The following FGF12 variants were observed in gnomAD, a reference collection of about 807,000 sequenced individuals.
FGF12 encodes the protein fibroblast growth factor 12B.
Under a neutral mutation model 23.6 loss-of-function variants are expected in FGF12, and 14 were observed. The observed-to-expected ratio is 0.59, with a 90% confidence interval of 0.39 to 0.93. The LOEUF (loss-of-function observed/expected upper bound fraction) is 0.93, where lower values mean the gene tolerates loss of function less well. FGF12 is among the 40% of genes least tolerant of loss of function. The pLI is 0.00. For synonymous variants in FGF12, 62 were observed against 77.3 expected, an observed-to-expected ratio of 0.80 and a Z score of 1.04; for missense variants, 175 against 217.8, an observed-to-expected ratio of 0.80 and a Z score of 1.24.
intron 4 of FGF12, among the ~76,000 whole-genome samples, chr3:192,333,669 C>T (rs76647368): frequency 6.6e-6 from 1 of 151,930 alleles, no homozygotes; most frequent in Non-Finnish European, 1.5e-5. Flanking sequence ...ATACAAATGA[C>T]AGATGTATTA....
chr3:192,419,882 G>T (rs982033689), intron 2 of FGF12, among the ~76,000 whole-genome samples: 2 of 152,168 alleles, frequency 1.3e-5, no homozygotes, highest in South Asian at 2.1e-4. Flanking sequence ...TGTAAAGGCT[G>T]GCATAATTGA....
rs1010557800 is a variant in FGF12 at position 192,170,440 on chromosome 3, A to G, written c.427+18T>C. The G allele has an allele frequency of 3.1e-6, 5 of 1,607,814 alleles. No individual in the cohort carries two copies. Among genetic ancestry groups the G allele is most frequent in the Non-Finnish European group, 4.3e-6 (5 of 1,174,604 alleles). Reference sequence around the variant, plus strand: ...ACACAGATAAGGGTCCAACAAAGACAGTCAGTTGGTTTCATACCTTCAATA... The same window carrying G: ...ACACAGATAAGGGTCCAACAAAGACGGTCAGTTGGTTTCATACCTTCAATA... On this transcript the variant is annotated intron_variant, in intron 5 of 5. Coordinates refer to ENST00000445105, the MANE Select transcript of FGF12 (RefSeq NM_004113.6).
chr3:192,387,449 A>G (rs1720092583), intron 2 of FGF12, among the ~76,000 whole-genome samples: 1 of 152,164 alleles, frequency 6.6e-6, no homozygotes, highest in East Asian at 1.9e-4. Context: ...ATAACTCAAA[A>G]AGCCAGGTAT....
chr3:192,701,987 T>C (rs888790010), intron 2 of FGF12, among the ~76,000 whole-genome samples: 9 of 152,134 alleles, frequency 5.9e-5, no homozygotes, highest in Non-Finnish European at 1.3e-4. Context: ...CCTACATAAC[T>C]GAAACTTTTT....
intron 2 of FGF12, among the ~76,000 whole-genome samples, chr3:192,541,617 G>A (rs1363572528): frequency 6.6e-6 from 1 of 152,048 alleles, no homozygotes; most frequent in African/African-American, 2.4e-5. Flanking sequence ...ACTATTACCA[G>A]TGAGTTTTGC....
intron 2 of FGF12, among the ~76,000 whole-genome samples, chr3:192,509,094 T>A (rs1724396560): frequency 6.6e-6 from 1 of 151,712 alleles, no homozygotes; most frequent in Non-Finnish European, 1.5e-5. Context: ...AAAATGGCAA[T>A]CTCTGAAGCA....
chr3:192,707,988 C>CT (rs1718532143), intron 2 of FGF12, among the ~76,000 whole-genome samples: 1 of 152,072 alleles, frequency 6.6e-6, no homozygotes, highest in African/African-American at 2.4e-5. Context: ...GAGACGGAGT[C>CT]TCGCTCTGTC....
At chr3:192,393,386 TAA>T (rs1442111031) in intron 2 of FGF12, among the ~76,000 whole-genome samples, 1 of 152,202 alleles carries the variant, frequency 6.6e-6, no homozygotes, top group African/African-American at 2.4e-5. Flanking sequence ...ATTGTTTTTG[TAA>T]AAGTTTCCTC....
intron 4 of FGF12, among the ~76,000 whole-genome samples, chr3:192,252,249 T>C (rs2108607849): frequency 6.6e-6 from 1 of 151,574 alleles, no homozygotes; most frequent in South Asian, 2.1e-4. Flanking sequence ...TCACTTGAGC[T>C]CAGGAGTTCC....
intron 4 of FGF12, 80 bp downstream of exon 4, chr3:192,335,281 G>T: frequency 2.2e-6 from 2 of 896,138 alleles, no homozygotes; most frequent in Non-Finnish European, 3.6e-6. Context: ...CAATTTTCTT[G>T]CCTAACATGA....
intron 4 of FGF12, among the ~76,000 whole-genome samples, chr3:192,199,044 TCTC>T (rs1717224568): frequency 6.6e-6 from 1 of 152,240 alleles, no homozygotes; most frequent in African/African-American, 2.4e-5. Flanking sequence ...ATTTAGCTCT[TCTC>T]AGCACCGTTT....
At chr3:192,607,846 TAAAAAAAA>T (rs36061162) in intron 2 of FGF12, among the ~76,000 whole-genome samples, 1 of 122,080 alleles carries the variant, frequency 8.2e-6, no homozygotes, top group African/African-American at 3.2e-5. Context: ...CACTGAAAAT[TAAAAAAAA>T]AAAAAAAAAA....
intron 2 of FGF12, among the ~76,000 whole-genome samples, chr3:192,718,046 G>A (rs1236551743): frequency 6.7e-6 from 1 of 149,918 alleles, no homozygotes; most frequent in Non-Finnish European, 1.5e-5. Flanking sequence ...GAGTGCAATT[G>A]TTTTTTAGTA....
At chr3:192,285,727 T>C (rs1714410964) in intron 4 of FGF12, among the ~76,000 whole-genome samples, 1 of 152,086 alleles carries the variant, frequency 6.6e-6, no homozygotes, top group Non-Finnish European at 1.5e-5. Flanking sequence ...AAAATTATTT[T>C]CATGGCTGCC....
At chr3:192,184,853 G>T (rs1270765570) in intron 4 of FGF12, among the ~76,000 whole-genome samples, 2 of 152,128 alleles carry the variant, frequency 1.3e-5, no homozygotes, top group Non-Finnish European at 2.9e-5. Flanking sequence ...TCCATAAAAA[G>T]AATTCAGATA....
intron 2 of FGF12, among the ~76,000 whole-genome samples, chr3:192,465,613 GTCTATACA>G (rs1225660944): frequency 3.9e-5 from 6 of 152,156 alleles, no homozygotes; most frequent in African/African-American, 1.4e-4. Flanking sequence ...TGCACAGACT[GTCTATACA>G]AACAATGCGA....
intron 2 of FGF12, among the ~76,000 whole-genome samples, chr3:192,468,305 C>A (rs986736050): frequency 2.0e-5 from 3 of 152,158 alleles, no homozygotes; most frequent in Non-Finnish European, 4.4e-5. Flanking sequence ...AAACTATAGG[C>A]CTTATTCATA....
intron 2 of FGF12, among the ~76,000 whole-genome samples, chr3:192,446,028 A>G (rs1190152633): frequency 6.6e-6 from 1 of 152,240 alleles, no homozygotes; most frequent in Non-Finnish European, 1.5e-5. Flanking sequence ...AAATTGCTCC[A>G]TAACGTCAAA....
At chr3:192,586,973 T>A (rs1047864324) in intron 2 of FGF12, among the ~76,000 whole-genome samples, 1 of 152,206 alleles carries the variant, frequency 6.6e-6, no homozygotes, top group Non-Finnish European at 1.5e-5. Flanking sequence ...AATGTATTAT[T>A]TTAGAAAGAG....
Sources: allele counts gnomAD v4.1 joint callset (sites outside exome capture counted in the v4.1 genomes callset), GRCh38; gene constraint gnomAD v4.1.1; transcripts MANE v1.5; gene names NCBI Gene and HGNC (gene_info 2026-07-23, HGNC 2026-07-21).